The following KLRD1 variants were observed in gnomAD, a reference collection of about 807,000 sequenced individuals.
The protein encoded by KLRD1 is natural killer cells antigen CD94.
KLRD1 carries 21 observed loss-of-function variants against 22.6 expected under a neutral mutation model. The ratio of observed to expected loss-of-function variants is 0.93; its 90% CI spans 0.66 to 1.34. The LOEUF (loss-of-function observed/expected upper bound fraction) is 1.34. Ranked by LOEUF, KLRD1 falls within the 40% of genes most tolerant of loss-of-function variation. KLRD1 has a pLI of 0.00. For synonymous variants in KLRD1, 59 were observed against 71.1 expected, an observed-to-expected ratio of 0.83 and a Z score of 0.85; for missense variants, 183 against 208.6, an observed-to-expected ratio of 0.88 and a Z score of 0.76.
Position 10,325,006 on chromosome 12 carries a change from A to G in KLRD1, c.*10213A>G, listed in dbSNP as rs1446976501. On this transcript the variant is annotated 3_prime_UTR_variant, in exon 6 of 6. Transcript: ENST00000336164. ...AAACTGTGTGCCTTTAATTCTTTTT[A>G]TCACCTTGTCACAGTGGCCAGAATA... The G allele has an allele frequency of 1.3e-5, 2 of 151,564 alleles. No homozygotes were observed. The highest frequency in any genetic ancestry group is 2.9e-5 in the Non-Finnish European group (2 of 67,824). 9.4% of individuals were successfully genotyped at this position (151,564 alleles called of 1,614,324 possible).
Position 10,296,142 on chromosome 12 carries a change from C to G in KLRD1, c.-100-11836C>G, listed in dbSNP as rs971479040. On this transcript the variant is annotated intron_variant, in intron 1 of 5. Coordinates refer to the KLRD1 transcript ENST00000544747. ...CAGCTGCACTTAGAACATTTGCTGA[C>G]TGACTACAGACTGTAGGACATACTG... Among the ~76,000 whole-genome samples the G allele has an allele frequency of 2.0e-5, 3 of 152,272 alleles. No individual in the cohort carries two copies. In the South Asian group the frequency reaches 6.2e-4, roughly 32 times the overall value.
intron 1 of KLRD1, among the ~76,000 whole-genome samples, chr12:10,254,768 C>T (rs1949378465): frequency 6.6e-6 from 1 of 152,010 alleles, no homozygotes. Context: ...TGGCGCCTGC[C>T]TGTAATCCCA....
intron 1 of KLRD1, among the ~76,000 whole-genome samples, chr12:10,257,125 T>G (rs1949403538): frequency 2.9e-5 from 1 of 34,338 alleles, no homozygotes; most frequent in African/African-American, 4.0e-5. Flanking sequence ...TTGTTTTGTT[T>G]TTTCTTTTCT....
chr12:10,276,196 T>G (rs2137649134), intron 1 of KLRD1, among the ~76,000 whole-genome samples: 1 of 152,300 alleles, frequency 6.6e-6, no homozygotes, highest in South Asian at 2.1e-4. Flanking sequence ...TGCTTTCTTT[T>G]CAGGACTATT....
intron 1 of KLRD1, among the ~76,000 whole-genome samples, chr12:10,288,293 A>G (rs1949730130): frequency 6.6e-6 from 1 of 151,956 alleles, no homozygotes. Context: ...GTACGTGTGC[A>G]TGCATATATA....
intron 1 of KLRD1, among the ~76,000 whole-genome samples, chr12:10,260,571 G>C (rs1949442053): frequency 6.6e-6 from 1 of 152,100 alleles, no homozygotes; most frequent in African/African-American, 2.4e-5. Context: ...GGGAGGCCGA[G>C]GTGGGTGGGT....
chr12:10,241,152 C>T (rs893903574), intron 1 of KLRD1, among the ~76,000 whole-genome samples: 3 of 151,998 alleles, frequency 2.0e-5, no homozygotes, highest in Non-Finnish European at 2.9e-5. Flanking sequence ...TAACTAGGTC[C>T]CTTAATTCAT....
At chr12:10,308,974 C>T in intron 1 of KLRD1, 1 of 156,240 alleles carries the variant, frequency 6.4e-6, no homozygotes, top group Non-Finnish European at 1.4e-5. Flanking sequence ...CTTATGTTTT[C>T]TCATCTATGT....
At chr12:10,254,868 A>G (rs753490853) in intron 1 of KLRD1, among the ~76,000 whole-genome samples, 4 of 135,230 alleles carry the variant, frequency 3.0e-5, no homozygotes, top group East Asian at 2.6e-4. Flanking sequence ...ACTCCAGCCT[A>G]GGCAACAGAG....
intron 1 of KLRD1, among the ~76,000 whole-genome samples, chr12:10,271,983 T>C (rs941529166): frequency 2.0e-5 from 3 of 152,202 alleles, no homozygotes; most frequent in African/African-American, 7.2e-5. Context: ...TTGAAACATA[T>C]TAACCACTCA....
At position 10,318,388 on chromosome 12, in the gene KLRD1, C is replaced by T. The variant is rs527637219; in HGVS notation, c.*3595C>T. 5 of 152,224 alleles carry T rather than the reference C, an allele frequency of 3.3e-5. No homozygotes were observed. The highest frequency in any genetic ancestry group is 3.3e-4 in the Admixed American group (5 of 15,292). The allele number at this position is 152,224 out of a possible 1,614,324, so 9.4% of individuals were successfully genotyped here. A position where few individuals can be genotyped will look rare whatever the true frequency, so the allele number is the denominator to read the frequency against. On this transcript the variant is annotated 3_prime_UTR_variant, in exon 6 of 6. Transcript: ENST00000336164. Reference sequence around the variant, plus strand: ...TGTGTGACCAGACACAGATAAAAGACTGCAAGAAATTTCAGTTTCAGCTCT... The same window carrying T: ...TGTGTGACCAGACACAGATAAAAGATTGCAAGAAATTTCAGTTTCAGCTCT...
intron 1 of KLRD1, among the ~76,000 whole-genome samples, chr12:10,274,165 A>G (rs1479028114): frequency 6.6e-6 from 1 of 152,094 alleles, no homozygotes; most frequent in Non-Finnish European, 1.5e-5. Flanking sequence ...CTTTAATCCC[A>G]GCTACTCAGG....
intron 1 of KLRD1, among the ~76,000 whole-genome samples, chr12:10,288,835 A>G (rs1184065111): frequency 6.6e-6 from 1 of 152,204 alleles, no homozygotes; most frequent in Non-Finnish European, 1.5e-5. Context: ...AGGCTACTGG[A>G]ACTTGAGAAT....
At chr12:10,308,142 G>A in intron 1 of KLRD1, 58 bp downstream of exon 1, 2 of 1,481,522 alleles carry the variant, frequency 1.3e-6, no homozygotes, top group South Asian at 2.3e-5. Context: ...TTCTTGGATT[G>A]GCTGATTTTG....
rs1328446079 is a variant in KLRD1 at position 10,247,397 on chromosome 12, A to G, written c.-101+21164A>G. On this transcript the variant is annotated intron_variant, in intron 1 of 5. Coordinates refer to the KLRD1 transcript ENST00000544747. ...TTTTTCAAACATCTTATCCAAGTAG[A>G]TGTGTTAAATTTTATATGCTTACAC... is the stretch of plus-strand genomic sequence containing the variant. Among the ~76,000 whole-genome samples the G allele has an allele frequency of 2.0e-5, 3 of 152,154 alleles. No individual in the cohort carries two copies. The East Asian group carries it at 5.8e-4, about 29-fold the overall frequency.
chr12:10,298,199 G>A (rs1949838161), intron 1 of KLRD1, among the ~76,000 whole-genome samples: 1 of 152,110 alleles, frequency 6.6e-6, no homozygotes, highest in Non-Finnish European at 1.5e-5. Context: ...GAGTTACAAA[G>A]ACAATGTGAC....
intron 1 of KLRD1, among the ~76,000 whole-genome samples, chr12:10,262,739 C>T (rs1199543996): frequency 1.3e-5 from 2 of 151,972 alleles, no homozygotes; most frequent in Non-Finnish European, 2.9e-5. Flanking sequence ...ATACTATTAT[C>T]ATTTTCAAAC....
chr12:10,283,458 G>C (rs1006727364), intron 1 of KLRD1, among the ~76,000 whole-genome samples: 1 of 152,218 alleles, frequency 6.6e-6, no homozygotes, highest in Non-Finnish European at 1.5e-5. Flanking sequence ...ATTGTGCCTA[G>C]ACTTAACAAT....
intron 1 of KLRD1, among the ~76,000 whole-genome samples, chr12:10,299,440 C>A (rs112787769): frequency 0.014 from 2,184 of 152,238 alleles, 51 homozygotes; most frequent in African/African-American, 0.05. Context: ...TAAAATAAGT[C>A]ACACAAATGT....
Sources: gnomAD v4.1 joint callset for allele counts (sites outside exome capture counted in the v4.1 genomes callset) on GRCh38, gnomAD v4.1.1 for gene constraint, MANE v1.5 for transcripts, NCBI Gene and HGNC (gene_info 2026-07-23, HGNC 2026-07-21) for gene names.